GATC: variants seen among roughly 807,000 people sequenced by gnomAD.
GATC encodes the protein glutamyl-tRNA amidotransferase subunit C.
GATC carries 11 observed loss-of-function variants against 14.4 expected under a neutral mutation model. That is an observed-to-expected ratio of 0.77 (90% CI 0.48 to 1.27). The LOEUF (loss-of-function observed/expected upper bound fraction) is 1.27. GATC is among the 50% of genes most tolerant of loss of function. GATC has a pLI of 0.00. For missense variants in GATC, 204 were observed against 183.0 expected, an observed-to-expected ratio of 1.11 and a Z score of -0.66; for synonymous variants, 76 against 79.3, an observed-to-expected ratio of 0.96 and a Z score of 0.22.
Position 120,449,227 on chromosome 12 carries a change from T to C in GATC, c.254+2398T>C, listed in dbSNP as rs934633847. 2.6e-4 allele frequency among the ~76,000 whole-genome samples: 39 copies of C among 151,958 alleles called. 1 individual carries two copies. The highest frequency in any genetic ancestry group is 8.3e-4 in the South Asian group (4 of 4,808). On this transcript the variant is annotated intron_variant, in intron 2 of 3. Transcript: ENST00000551765. ...GCCCACCTCAGCCTCCCAAAGGTGC[T>C]GATTACAGGCGTGAGCCACTGTGCC...
At chr12:120,452,058 G>C (rs1400919705) in intron 2 of GATC, among the ~76,000 whole-genome samples, 4 of 150,990 alleles carry the variant, frequency 2.6e-5, no homozygotes, top group Admixed American at 6.6e-5. Context: ...TGTATTTTTA[G>C]TAGAGACGGG....
chr12:120,459,777 A>G, intron 3 of GATC, 130 bp from the exon 4 acceptor site: 2 of 545,504 alleles, frequency 3.7e-6, no homozygotes, highest in Admixed American at 5.8e-5. Context: ...AATGGCGTGA[A>G]CCCCAGGGGG....
intron 2 of GATC, among the ~76,000 whole-genome samples, chr12:120,451,710 C>G (rs936213006): frequency 6.6e-6 from 1 of 151,268 alleles, no homozygotes; most frequent in Non-Finnish European, 1.5e-5. Flanking sequence ...TCACTGCACT[C>G]CAGCCTGGGC....
rs540772404 is a variant in GATC, at chr12:120,446,465, G to A, written c.-16G>A. ...CGTTACGCGCGGGCGCACTGCGGGGGCCAAGGAAGGAAGAAATGTGGTCGC... is the reference window on the plus strand; with the variant it reads ...CGTTACGCGCGGGCGCACTGCGGGGACCAAGGAAGGAAGAAATGTGGTCGC... On this transcript the variant is annotated 5_prime_UTR_variant, in exon 1 of 4. Transcript: ENST00000551765. The A allele has an allele frequency of 1.2e-6, 2 of 1,605,036 alleles. No individual in the cohort carries two copies. The highest frequency in any genetic ancestry group is 2.2e-5 in the South Asian group (2 of 90,536).
chr12:120,454,004 C>T (rs943915175), intron 2 of GATC, among the ~76,000 whole-genome samples: 9 of 152,036 alleles, frequency 5.9e-5, no homozygotes, highest in East Asian at 3.9e-4. Context: ...ATTTCACTTA[C>T]GCAGGAAACT....
chr12:120,462,954 G>A lies in GATC; in HGVS notation c.*2995G>A, dbSNP rs1257114033. The stretch of plus-strand genomic sequence containing the variant: ...GTTTCTGCTTCAAATTCAAGTCCTA[G>A]AGGACAGTCTGAACAAAAGCATCAT... On this transcript the variant is annotated 3_prime_UTR_variant, in exon 4 of 4. Transcript: ENST00000551765. The A allele has an allele frequency of 6.6e-6, 1 of 152,214 alleles. No individual in the cohort carries two copies. Among genetic ancestry groups the A allele is most frequent in the Non-Finnish European group, 1.5e-5 (1 of 68,054 alleles). 9.4% of individuals were successfully genotyped at this position (152,214 alleles called of 1,614,324 possible).
chr12:120,461,954 T>C lies in GATC; in HGVS notation c.*1995T>C, dbSNP rs201309578. ...GACACTAAATCCTCAATCTGGAATG[T>C]AGATTCTGAGCACAAAGCAGCTCAG... is the stretch of plus-strand genomic sequence containing the variant. On this transcript the variant is annotated 3_prime_UTR_variant, in exon 4 of 4. Coordinates refer to ENST00000551765, the MANE Select transcript of GATC (RefSeq NM_176818.3). 11 of 1,436,524 alleles carry C rather than the reference T, an allele frequency of 7.7e-6. No homozygotes were observed. In the East Asian group the frequency reaches 2.8e-4, roughly 37 times the overall value. 89.0% of individuals were successfully genotyped at this position (1,436,524 alleles called of 1,614,324 possible).
In GATC at chr12:120,459,850, G is replaced by A. The variant is rs548338172; in HGVS notation, c.359-57G>A. On this transcript the variant is annotated intron_variant, in intron 3 of 3. Coordinates refer to ENST00000551765, the MANE Select transcript of GATC (RefSeq NM_176818.3). ...CCAGCCTGGGCAACAGCGAGACTCT[G>A]TCTCAAAACAAAAACAAACAAACAA... 1.6e-4 allele frequency: 232 copies of A among 1,430,176 alleles called. 1 individual carries two copies. The African/African-American group carries it at 2.8e-3, about 17-fold the overall frequency. The allele number at this position is 1,430,176 out of a possible 1,614,324, so 88.6% of individuals were successfully genotyped here.
Position 120,461,764 on chromosome 12 carries a change from G to C in GATC, c.*1805G>C, listed in dbSNP as rs899313320. 3 of 330,684 alleles carry C rather than the reference G, an allele frequency of 9.1e-6. No homozygotes were observed. Among genetic ancestry groups the C allele is most frequent in the Non-Finnish European group, 1.6e-5 (3 of 182,752 alleles). The allele number at this position is 330,684 out of a possible 1,614,324, so 20.5% of individuals were successfully genotyped here. A position where few individuals can be genotyped will look rare whatever the true frequency, so the allele number is the denominator to read the frequency against. ...CATAGTAGAGCAACCCACAAAGACA[G>C]AACTGATTTTTTTCCCATAATCAGG... On this transcript the variant is annotated 3_prime_UTR_variant, in exon 4 of 4. Transcript: ENST00000551765.
intron 2 of GATC, among the ~76,000 whole-genome samples, chr12:120,449,780 G>A (rs1157089393): frequency 1.3e-5 from 2 of 149,052 alleles, no homozygotes; most frequent in Non-Finnish European, 3.0e-5. Context: ...TTTTTTTTTA[G>A]AGACAGAGTT....
chr12:120,461,004 A>AG lies in GATC; in HGVS notation c.*1045_*1046insG, dbSNP rs934665038. 2.0e-5 allele frequency: 3 copies of AG among 150,412 alleles called. No homozygotes were observed. Among genetic ancestry groups the AG allele is most frequent in the African/African-American group, 7.3e-5 (3 of 40,854 alleles). The allele number at this position is 150,412 out of a possible 1,614,324, so 9.3% of individuals were successfully genotyped here. A position where few individuals can be genotyped will look rare whatever the true frequency, so the allele number is the denominator to read the frequency against. On this transcript the variant is annotated 3_prime_UTR_variant, in exon 4 of 4. Transcript: ENST00000551765. ...TGGGCGACAGAGCAAGTCTCAAAAA[A>AG]AAAAAAAAAGTGATAGAATCAGAGA...
Position 120,446,774 on chromosome 12 carries a change from C to G in GATC, c.199C>G (p.Leu67Val). The change falls in exon 2 of 4, where the codon CTA becomes GTA. Residue 67 changes from leucine to valine, a missense_variant. By Grantham distance (32) the Leu-to-Val change is conservative (BLOSUM62 1). Transcript: ENST00000551765. Reference protein sequence around the residue: ...LEKAIAFADRLRAVDTDGVEP... With the variant: ...LEKAIAFADRVRAVDTDGVEP... Reference sequence around the variant, plus strand: ...GAAAGCTATCGCCTTCGCCGACCGGCTACGCGCCGTGGACACAGACGGGGT... The same window carrying G: ...GAAAGCTATCGCCTTCGCCGACCGGGTACGCGCCGTGGACACAGACGGGGT... 2 of 1,613,964 alleles carry G rather than the reference C, an allele frequency of 1.2e-6. No individual in the cohort carries two copies. The highest frequency in any genetic ancestry group is 1.1e-5 in the South Asian group (1 of 91,072).
intron 3 of GATC, 67 bp from the exon 4 acceptor site, chr12:120,459,840 G>C (rs1026758892): frequency 3.1e-6 from 4 of 1,275,500 alleles, no homozygotes; most frequent in Non-Finnish European, 3.4e-6. Context: ...CTGGGCAACA[G>C]CGAGACTCTG....
At chr12:120,449,869 T>C (rs1877990979) in intron 2 of GATC, among the ~76,000 whole-genome samples, 1 of 151,942 alleles carries the variant, frequency 6.6e-6, no homozygotes, top group African/African-American at 2.4e-5. Flanking sequence ...TTCAAGCGAT[T>C]CTCCTGCCTC....
intron 2 of GATC, among the ~76,000 whole-genome samples, chr12:120,448,721 C>T (rs1877951991): frequency 7.0e-6 from 1 of 142,998 alleles, no homozygotes; most frequent in African/African-American, 2.7e-5. Context: ...TCTCAGCTCA[C>T]TGCAACCTCC....
rs1878296449 is a variant in GATC at position 120,460,195 on chromosome 12, G to A, written c.*236G>A. The A allele has an allele frequency of 2.2e-6, 1 of 456,802 alleles. No homozygotes were observed. The highest frequency in any genetic ancestry group is 4.1e-6 in the Non-Finnish European group (1 of 244,910). 28.3% of individuals were successfully genotyped at this position (456,802 alleles called of 1,614,324 possible). On this transcript the variant is annotated 3_prime_UTR_variant, in exon 4 of 4. Transcript: ENST00000551765. ...AGAAAAGCAAAAGTCAGCTTCCAAG[G>A]AATTCACTTAACAGGCCTGTTCAGT...
chr12:120,447,201 G>A (rs530904972), intron 2 of GATC, among the ~76,000 whole-genome samples: 17 of 151,210 alleles, frequency 1.1e-4, no homozygotes, highest in Non-Finnish European at 2.4e-4. Flanking sequence ...TCAGCCTCCC[G>A]AGTAGCTGGG....
Position 120,457,127 on chromosome 12 carries a change from A to G in GATC, c.306A>G (p.Glu102=), listed in dbSNP as rs993263743. 1 of 1,614,008 alleles carries G rather than the reference A, an allele frequency of 6.2e-7. No individual in the cohort carries two copies. Among genetic ancestry groups the G allele is most frequent in the Non-Finnish European group, 8.5e-7 (1 of 1,180,028 alleles). Residue 102 remains glutamate, a synonymous_variant, in exon 3 of 4, where the codon GAA becomes GAG. Coordinates refer to ENST00000551765, the MANE Select transcript of GATC (RefSeq NM_176818.3). ...TGGTAGAAGGCAACTGTGCTGATGA[A>G]TTACTACAAAACTCCCATCGCGTCG... ...DNVVEGNCAD[E]LLQNSHRVVE...
chr12:120,459,929 G>A lies in GATC; in HGVS notation c.381G>A (p.Leu127=), dbSNP rs374871491. The part of the protein sequence containing the change: ...APPGNISLPK[L]DEQEPFPHS ...CAGGTAATATCTCTTTGCCAAAGCT[G>A]GATGAACAAGAGCCATTCCCACACA... is the stretch of plus-strand genomic sequence containing the variant. Residue 127 remains leucine (L), a synonymous_variant, in exon 4 of 4, where the codon CTG becomes CTA. Coordinates refer to ENST00000551765, the MANE Select transcript of GATC (RefSeq NM_176818.3). 2 of 1,612,914 alleles carry A rather than the reference G, an allele frequency of 1.2e-6. No individual in the cohort carries two copies. Among genetic ancestry groups the A allele is most frequent in the Non-Finnish European group, 1.7e-6 (2 of 1,179,070 alleles).
Sources: gnomAD v4.1 joint callset for allele counts (sites outside exome capture counted in the v4.1 genomes callset) on GRCh38, gnomAD v4.1.1 for gene constraint, MANE v1.5 for transcripts, NCBI Gene and HGNC (gene_info 2026-07-23, HGNC 2026-07-21) for gene names.